The following LOC128706666 variants were observed in gnomAD, a reference collection of about 807,000 sequenced individuals.
At chr20:10,417,245 T>TAA in the LOC128706666 span, among the ~76,000 whole-genome samples, 36 of 132,420 alleles carry the variant, frequency 2.7e-4, 1 homozygote, top group African/African-American at 9.6e-4. Context: ...GACTCCATCT[T>TAA]AAAAAAAAAA....
the LOC128706666 span, among the ~76,000 whole-genome samples, chr20:10,420,361 G>C: frequency 6.6e-6 from 1 of 152,080 alleles, no homozygotes; most frequent in Non-Finnish European, 1.5e-5. Context: ...TCTGCACAAC[G>C]AACTTTTCTA....
the LOC128706666 span, among the ~76,000 whole-genome samples, chr20:10,430,623 G>A: frequency 6.6e-6 from 1 of 152,200 alleles, no homozygotes; most frequent in Admixed American, 6.5e-5. Context: ...AAAATACCCA[G>A]TCTCAACAGA....
the LOC128706666 span, among the ~76,000 whole-genome samples, chr20:10,424,716 T>A: frequency 3.9e-5 from 6 of 152,242 alleles, no homozygotes; most frequent in Non-Finnish European, 8.8e-5. Context: ...AATTTAAATT[T>A]AGCACTTTTT....
chr20:10,423,775 CTTT>C, the LOC128706666 span, among the ~76,000 whole-genome samples: 1 of 152,142 alleles, frequency 6.6e-6, no homozygotes, highest in Non-Finnish European at 1.5e-5. Flanking sequence ...ATCGATGAAT[CTTT>C]TTCTAGATTT....
the LOC128706666 span, among the ~76,000 whole-genome samples, chr20:10,424,888 C>G: frequency 6.6e-6 from 1 of 151,758 alleles, no homozygotes; most frequent in Non-Finnish European, 1.5e-5. Flanking sequence ...CCTGTCTCTA[C>G]TAAAAATACA....
the LOC128706666 span, among the ~76,000 whole-genome samples, chr20:10,423,625 G>A: frequency 2.2e-4 from 34 of 152,298 alleles, no homozygotes; most frequent in African/African-American, 7.5e-4. Context: ...TTTGAGAAGA[G>A]TGAAAATTAT....
chr20:10,420,121 G>A, the LOC128706666 span, among the ~76,000 whole-genome samples: 2 of 152,002 alleles, frequency 1.3e-5, no homozygotes, highest in African/African-American at 4.8e-5. Flanking sequence ...ACAAATTATG[G>A]TCAAGCTAAA....
At chr20:10,425,896 TAGA>T in the LOC128706666 span, among the ~76,000 whole-genome samples, 1 of 152,196 alleles carries the variant, frequency 6.6e-6, no homozygotes, top group Non-Finnish European at 1.5e-5. Context: ...AAGACTCCTT[TAGA>T]AGGATAGAGA....
the LOC128706666 span, among the ~76,000 whole-genome samples, chr20:10,415,167 C>T: frequency 5.9e-5 from 9 of 152,172 alleles, no homozygotes; most frequent in East Asian, 1.7e-3. Flanking sequence ...AGAATAAAAA[C>T]GTTAGATCAT....
At chr20:10,418,623 C>T in the LOC128706666 span, among the ~76,000 whole-genome samples, 1 of 152,128 alleles carries the variant, frequency 6.6e-6, no homozygotes, top group Non-Finnish European at 1.5e-5. Context: ...AAATCTCTTA[C>T]TACATTCACC....
the LOC128706666 span, among the ~76,000 whole-genome samples, chr20:10,426,322 G>A: frequency 6.6e-6 from 1 of 152,184 alleles, no homozygotes; most frequent in South Asian, 2.1e-4. Flanking sequence ...GTGTGATCAC[G>A]GATGAGGGGA....
the LOC128706666 span, among the ~76,000 whole-genome samples, chr20:10,432,740 G>A: frequency 7.4e-6 from 1 of 135,108 alleles, no homozygotes; most frequent in African/African-American, 2.7e-5. Context: ...AGGTTGCACA[G>A]TGAGCAGAGA....
chr20:10,430,954 T>C, the LOC128706666 span, among the ~76,000 whole-genome samples: 75,422 of 151,978 alleles, frequency 0.5, 19,268 homozygotes, highest in Non-Finnish European at 0.56. Flanking sequence ...ATGGCGAGAA[T>C]CAAAGTCTAA....
At chr20:10,414,289 G>A in the LOC128706666 span, among the ~76,000 whole-genome samples, 1 of 145,078 alleles carries the variant, frequency 6.9e-6, no homozygotes, top group Admixed American at 6.8e-5. Context: ...TTTTGAGATG[G>A]AGTTTCGCTC....
At chr20:10,417,245 T>TA in the LOC128706666 span, among the ~76,000 whole-genome samples, 25 of 132,416 alleles carry the variant, frequency 1.9e-4, no homozygotes, top group African/African-American at 4.2e-4. Flanking sequence ...GACTCCATCT[T>TA]AAAAAAAAAA....
the LOC128706666 span, among the ~76,000 whole-genome samples, chr20:10,416,591 A>G: frequency 1.3e-5 from 2 of 152,226 alleles, no homozygotes; most frequent in African/African-American, 4.8e-5. Context: ...ACTCATTATT[A>G]TAAAAACCAA....
the LOC128706666 span, among the ~76,000 whole-genome samples, chr20:10,423,150 A>G: frequency 6.6e-6 from 1 of 152,160 alleles, no homozygotes; most frequent in Non-Finnish European, 1.5e-5. Context: ...ATAAAAAGAG[A>G]TTAGGGCCAG....
chr20:10,430,107 T>G, the LOC128706666 span, among the ~76,000 whole-genome samples: 1 of 152,258 alleles, frequency 6.6e-6, no homozygotes, highest in Non-Finnish European at 1.5e-5. Context: ...GTGACATTTT[T>G]GACTAGAGTG....
the LOC128706666 span, among the ~76,000 whole-genome samples, chr20:10,426,557 G>A: frequency 6.6e-6 from 1 of 152,144 alleles, no homozygotes; most frequent in South Asian, 2.1e-4. Flanking sequence ...ACGCCACCAT[G>A]CCCGACTAAT....
Sources: allele counts gnomAD v4.1 joint callset (sites outside exome capture counted in the v4.1 genomes callset), GRCh38; gene constraint gnomAD v4.1.1; transcripts MANE v1.5.